Variants in DHX8 observed in about 807,000 individuals in gnomAD.
The protein encoded by DHX8 is ATP-dependent RNA helicase DHX8.
In DHX8, 67 loss-of-function variants were observed where a neutral mutation model predicts 140.7. The ratio of observed to expected loss-of-function variants is 0.48; its 90% CI spans 0.39 to 0.58. The LOEUF is 0.58. Among genes scored for constraint, DHX8 ranks in the 20% least tolerant of loss-of-function variants. The pLI, the probability that DHX8 is intolerant of heterozygous loss-of-function variation, is 0.00. For synonymous variants in DHX8, 533 were observed against 553.2 expected, an observed-to-expected ratio of 0.96 and a Z score of 0.51; for missense variants, 887 against 1,550.7, an observed-to-expected ratio of 0.57 and a Z score of 7.19.
chr17:43,489,003 TG>T (rs1187322912), intron 1 of DHX8, among the ~76,000 whole-genome samples: 1 of 152,068 alleles, frequency 6.6e-6, no homozygotes, highest in East Asian at 1.9e-4. Flanking sequence ...TTTCTTGTTT[TG>T]TTTTTTTTGT....
chr17:43,504,813 G>T lies in DHX8; in HGVS notation c.1716G>T (p.Glu572Asp). The T allele has an allele frequency of 6.2e-7, 1 of 1,613,800 alleles. No homozygotes were observed. The highest frequency in any genetic ancestry group is 1.1e-5 in the South Asian group (1 of 91,010). ...RESLPIYKLKEQLVQAVHDNQ... is the reference protein window; with the variant it reads ...RESLPIYKLKDQLVQAVHDNQ... The stretch of plus-strand genomic sequence containing the variant: ...GCCTGCCCATCTACAAACTGAAGGA[G>T]CAATTGGTCCAGGTGAGAAGACTTT... Residue 572 changes from glutamate (E) to aspartate (D), a missense_variant, in exon 12 of 23, where the codon GAG becomes GAT. This residue lies in a region of DHX8 where 178 missense variants were observed against 398.5 expected (regional missense o/e 0.45). Coordinates refer to ENST00000262415, the MANE Select transcript of DHX8 (RefSeq NM_004941.3).
chr17:43,530,634 G>A (rs911912988), downstream of DHX8, among the ~76,000 whole-genome samples: 10 of 149,342 alleles, frequency 6.7e-5, no homozygotes, highest in Non-Finnish European at 1.5e-5. Context: ...GTGTGTGTGT[G>A]TGACAGAAAC....
rs200570533 is a variant in DHX8 at position 43,513,515 on chromosome 17, G to C, written c.2643+13G>C. 211 of 1,611,494 alleles carry C rather than the reference G, an allele frequency of 1.3e-4. 2 individuals are homozygous for C. In the South Asian group the frequency reaches 1.5e-3, roughly 12 times the overall value. On this transcript the variant is annotated intron_variant, in intron 17 of 22. Transcript: ENST00000262415. ...GCCTATTTCTCAGGTATGACGGCTT[G>C]TATCAACAGTTTTCCTGATAATCCT...
intron 17 of DHX8, 93 bp downstream of exon 17, chr17:43,513,595 A>G (rs1295797295): frequency 7.2e-7 from 1 of 1,395,050 alleles, no homozygotes; most frequent in Admixed American, 2.3e-5. Context: ...CTTGTTTTCA[A>G]AGATGAACTT....
At chr17:43,543,028 A>G (rs997221975) in intron 3 of DHX8, among the ~76,000 whole-genome samples, 1 of 152,088 alleles carries the variant, frequency 6.6e-6, no homozygotes, top group African/African-American at 2.4e-5. Flanking sequence ...GCAGGGGGAC[A>G]GGGCCCCGGC....
chr17:43,514,991 C>T (rs1441602987), intron 17 of DHX8, among the ~76,000 whole-genome samples: 1 of 151,778 alleles, frequency 6.6e-6, no homozygotes, highest in Non-Finnish European at 1.5e-5. Context: ...TGAGCTGTGC[C>T]CAAGATTGAA....
chr17:43,520,926 G>A (rs748974647), intron 20 of DHX8, 47 bp downstream of exon 20: 5 of 1,564,682 alleles, frequency 3.2e-6, no homozygotes, highest in Non-Finnish European at 4.3e-6. Context: ...ATGAAGTTGG[G>A]GTAGTTGGCC....
intron 19 of DHX8, 144 bp from the exon 20 acceptor site, chr17:43,520,604 ATTC>A (rs2154586874): frequency 1.1e-6 from 1 of 914,256 alleles, no homozygotes; most frequent in East Asian, 2.6e-5. Flanking sequence ...AAACAACAGC[ATTC>A]TTCTGATAGA....
intron 16 of DHX8, among the ~76,000 whole-genome samples, chr17:43,511,456 A>ATGTTTTTTTTTTTTTTTT (rs1969821567): frequency 1.8e-5 from 1 of 56,790 alleles, no homozygotes; most frequent in Admixed American, 3.3e-4. Flanking sequence ...TGATCCCAGC[A>ATGTTTTTTTTTTTTTTTT]TTTTTTTTTT....
chr17:43,519,831 C>A, intron 18 of DHX8: 1 of 246,978 alleles, frequency 4.0e-6, no homozygotes, highest in Non-Finnish European at 7.9e-6. Context: ...ATCCCAGCTA[C>A]TTGGGATGCT....
intron 3 of DHX8, among the ~76,000 whole-genome samples, chr17:43,537,801 T>C (rs1354738148): frequency 6.6e-6 from 1 of 151,942 alleles, no homozygotes; most frequent in Non-Finnish European, 1.5e-5. Context: ...GAGACCAGCC[T>C]GACCAGCATG....
At chr17:43,536,593 AG>A in intron 3 of DHX8, 3 of 815,582 alleles carry the variant, frequency 3.7e-6, no homozygotes, top group Non-Finnish European at 2.1e-6. Flanking sequence ...AACAGCCTTT[AG>A]ATCAGGGGTG....
At chr17:43,533,800 C>T (rs1222192064) in intron 2 of DHX8, 2 of 1,588,978 alleles carry the variant, frequency 1.3e-6, no homozygotes, top group Non-Finnish European at 1.7e-6. Flanking sequence ...TGGGTGCCCC[C>T]TGCCTCCCTC....
chr17:43,529,271 C>T (rs554057073), downstream of DHX8: 8 of 1,605,164 alleles, frequency 5.0e-6, no homozygotes, highest in South Asian at 8.8e-5. Flanking sequence ...AGAGATGCTA[C>T]CTTGGCAGAG....
chr17:43,487,912 G>A (rs1339075027), intron 1 of DHX8, among the ~76,000 whole-genome samples: 1 of 152,122 alleles, frequency 6.6e-6, no homozygotes, highest in Non-Finnish European at 1.5e-5. Context: ...GAGAGGCGGA[G>A]GTTGCAATGA....
intron 2 of DHX8, 57 bp from the exon 3 acceptor site, chr17:43,490,334 T>C (rs960559793): frequency 1.5e-6 from 2 of 1,345,900 alleles, no homozygotes; most frequent in Non-Finnish European, 2.1e-6. Context: ...GCCTTTTAAG[T>C]GTATTTAAGC....
downstream of DHX8, chr17:43,529,569 T>C (rs1970776746): frequency 1.2e-6 from 2 of 1,613,980 alleles, no homozygotes; most frequent in Admixed American, 1.7e-5. Context: ...TGGGCATTTG[T>C]TGGGTCATCC....
chr17:43,527,815 C>T (rs538530781), downstream of DHX8: 6 of 224,360 alleles, frequency 2.7e-5, no homozygotes, highest in African/African-American at 8.9e-5. Context: ...TCTGTTCCCA[C>T]ATGGCAGCAA....
At chr17:43,530,986 T>C (rs1970900669), downstream of DHX8, among the ~76,000 whole-genome samples, 1 of 152,150 alleles carries the variant, frequency 6.6e-6, no homozygotes, top group East Asian at 1.9e-4. Context: ...CAAGGGCATG[T>C]AACACAATCC....
Sources: gnomAD v4.1 joint callset for allele counts (sites outside exome capture counted in the v4.1 genomes callset) on GRCh38, gnomAD v4.1.1 for gene constraint, gnomAD v4.1.1 regional missense constraint, MANE v1.5 for transcripts, NCBI Gene and HGNC (gene_info 2026-07-23, HGNC 2026-07-21) for gene names.